Variants in LTBP1 observed in about 807,000 individuals in gnomAD.
The protein encoded by LTBP1 is latent transforming growth factor beta binding protein 1, also known as latent-transforming growth factor beta-binding protein 1.
In LTBP1, 129 loss-of-function variants were observed where a neutral mutation model predicts 207.6. That is an observed-to-expected ratio of 0.62 (90% CI 0.54 to 0.72). LTBP1 has a LOEUF of 0.72. LTBP1 is among the 30% of genes least tolerant of loss of function. LTBP1 has a pLI of 0.00. For synonymous variants in LTBP1, 963 were observed against 833.7 expected (o/e 1.16, Z -2.67); for missense variants, 2,281 against 2,217.2 (o/e 1.03, Z -0.58).
Position 32,947,490 on chromosome 2 carries a change from G to A in LTBP1, c.166G>A (p.Val56Ile), listed in dbSNP as rs1268798460. 6.9e-6 allele frequency: 10 copies of A among 1,442,880 alleles called. No individual in the cohort carries two copies. Among genetic ancestry groups the A allele is most frequent in the Non-Finnish European group, 9.1e-6 (10 of 1,101,984 alleles). The allele number at this position is 1,442,880 out of a possible 1,614,324, so 89.4% of individuals were successfully genotyped here. The part of the protein sequence containing the change: ...SGPPRSRTFN[V>I]ALNARYSRSS... Reference sequence around the variant, plus strand: ...GCCCCCGCGTTCGCGGACATTCAACGTCGCGCTCAACGCCAGGTACAGCCG... The same window carrying A: ...GCCCCCGCGTTCGCGGACATTCAACATCGCGCTCAACGCCAGGTACAGCCG... Residue 56 changes from valine (V) to isoleucine (I), a missense_variant, in exon 1 of 34, where the codon GTC (valine) becomes ATC (isoleucine). Val to Ile is a conservative substitution (Grantham distance 29, BLOSUM62 3). Transcript: ENST00000404816.
intron 19 of LTBP1, among the ~76,000 whole-genome samples, chr2:33,287,373 C>T (rs1428993919): frequency 6.6e-6 from 1 of 152,112 alleles, no homozygotes; most frequent in Non-Finnish European, 1.5e-5. Context: ...TTGTTCTGTA[C>T]AATGTCTCAT....
chr2:33,329,216 G>A (rs1294778337), intron 24 of LTBP1, among the ~76,000 whole-genome samples: 2 of 152,064 alleles, frequency 1.3e-5, no homozygotes, highest in Non-Finnish European at 2.9e-5. Context: ...CTGAGTAAAG[G>A]TATCTCATTA....
At chr2:32,979,877 A>G (rs925993665) in intron 2 of LTBP1, among the ~76,000 whole-genome samples, 16 of 152,172 alleles carry the variant, frequency 1.1e-4, no homozygotes, top group African/African-American at 3.6e-4. Context: ...TTGGATGCAT[A>G]TATGCTTACA....
intron 24 of LTBP1, among the ~76,000 whole-genome samples, chr2:33,336,368 C>A (rs2094553544): frequency 6.6e-6 from 1 of 152,194 alleles, no homozygotes; most frequent in Non-Finnish European, 1.5e-5. Context: ...TCAGAGGATT[C>A]TTCTGTGACC....
chr2:33,369,718 T>G (rs2095044851), intron 31 of LTBP1, among the ~76,000 whole-genome samples: 1 of 152,186 alleles, frequency 6.6e-6, no homozygotes, highest in African/African-American at 2.4e-5. Flanking sequence ...ATTTTTTGTA[T>G]TTGGTAGACA....
chr2:33,321,361 G>A (rs2149340131), intron 24 of LTBP1, among the ~76,000 whole-genome samples: 1 of 152,300 alleles, frequency 6.6e-6, no homozygotes, highest in East Asian at 1.9e-4. Flanking sequence ...AATTGCCAAT[G>A]CGTTGACGTG....
intron 5 of LTBP1, among the ~76,000 whole-genome samples, chr2:33,159,218 G>A (rs1018783416): frequency 2.6e-5 from 4 of 152,136 alleles, no homozygotes; most frequent in Admixed American, 6.5e-5. Context: ...CTGTGGCTCC[G>A]CAACTCAAGG....
chr2:33,318,206 A>G (rs2094301145), intron 24 of LTBP1, among the ~76,000 whole-genome samples: 1 of 152,142 alleles, frequency 6.6e-6, no homozygotes, highest in Non-Finnish European at 1.5e-5. Context: ...GGGATACTCA[A>G]CCTGTATATG....
At chr2:33,016,755 G>T (rs1411708431) in intron 2 of LTBP1, among the ~76,000 whole-genome samples, 1 of 152,248 alleles carries the variant, frequency 6.6e-6, no homozygotes, top group African/African-American at 2.4e-5. Context: ...GGGGGCAGTG[G>T]CTCATGCCTG....
rs2080349426 is a variant in LTBP1, at chr2:33,110,644, T to C, written c.926T>C (p.Leu309Pro). ...CATGGCCAGACCCAGGAATACGTGC[T>C]CAAGCCCAAGTACTTTCCAGCCCAG... is the stretch of plus-strand genomic sequence containing the variant. The part of the protein sequence containing the change: ...IHHGQTQEYV[L>P]KPKYFPAQKG... The change falls in exon 4 of 34, where the codon CTC becomes CCC. Residue 309 changes from leucine to proline, a missense_variant. Transcript: ENST00000404816. 1.2e-6 allele frequency: 2 copies of C among 1,614,094 alleles called. No homozygotes were observed. Among genetic ancestry groups the C allele is most frequent in the African/African-American group, 2.7e-5 (2 of 74,928 alleles).
At chr2:33,014,890 G>T (rs765932204) in intron 2 of LTBP1, among the ~76,000 whole-genome samples, 2 of 152,008 alleles carry the variant, frequency 1.3e-5, no homozygotes, top group Non-Finnish European at 2.9e-5. Flanking sequence ...CCAGGATGGT[G>T]TAGGGTTTTG....
intron 26 of LTBP1, among the ~76,000 whole-genome samples, chr2:33,352,408 G>A (rs1384126776): frequency 1.3e-5 from 2 of 152,098 alleles, no homozygotes; most frequent in Non-Finnish European, 2.9e-5. Flanking sequence ...GCAATTACAG[G>A]CATGAGCCAC....
At chr2:33,179,409 C>T (rs72855734) in intron 5 of LTBP1, among the ~76,000 whole-genome samples, 7,533 of 151,604 alleles carry the variant, frequency 0.05, 628 homozygotes, top group African/African-American at 0.17. Context: ...AAGAATGAAA[C>T]GATAATGTAT....
chr2:33,138,227 G>T (rs1558687880), intron 5 of LTBP1, among the ~76,000 whole-genome samples: 1 of 152,138 alleles, frequency 6.6e-6, no homozygotes. Context: ...TGACTATTGA[G>T]CATGCAGTCT....
chr2:33,079,015 C>T lies in LTBP1; in HGVS notation c.864-31567C>T, dbSNP rs191194942. On this transcript the variant is annotated intron_variant, in intron 3 of 33. Transcript: ENST00000404816. ...CTGGGATTACAGGCGCACACCACCA[C>T]GCCCAGCTAATTTTTGTATTGTTAG... 2.6e-4 allele frequency among the ~76,000 whole-genome samples: 40 copies of T among 151,994 alleles called. No individual in the cohort carries two copies. In the East Asian group the frequency reaches 6.2e-3, roughly 23 times the overall value.
intron 7 of LTBP1, among the ~76,000 whole-genome samples, chr2:33,206,405 T>A (rs539381452): frequency 6.6e-6 from 1 of 152,170 alleles, no homozygotes; most frequent in Non-Finnish European, 1.5e-5. Context: ...TTTATAGACA[T>A]GAAGCTTAAT....
At chr2:33,365,704 G>C (rs1423902916) in intron 31 of LTBP1, among the ~76,000 whole-genome samples, 8 of 151,458 alleles carry the variant, frequency 5.3e-5, no homozygotes, top group Non-Finnish European at 1.0e-4. Flanking sequence ...TCCCGACCCT[G>C]TCGTTAATTT....
At chr2:33,156,437 G>T (rs1179618299) in intron 5 of LTBP1, among the ~76,000 whole-genome samples, 1 of 152,192 alleles carries the variant, frequency 6.6e-6, no homozygotes, top group Non-Finnish European at 1.5e-5. Context: ...GACTCAAGTT[G>T]TTCACTGAAT....
intron 19 of LTBP1, among the ~76,000 whole-genome samples, chr2:33,281,844 A>C (rs1313768319): frequency 6.6e-6 from 1 of 152,134 alleles, no homozygotes; most frequent in Non-Finnish European, 1.5e-5. Flanking sequence ...TAAATTTCAT[A>C]CTTGCCTATC....
Sources: allele counts gnomAD v4.1 joint callset (sites outside exome capture counted in the v4.1 genomes callset), GRCh38; gene constraint gnomAD v4.1.1; transcripts MANE v1.5; gene names NCBI Gene and HGNC (gene_info 2026-07-23, HGNC 2026-07-21).